The following TNFAIP2 variants were observed in gnomAD, a reference collection of about 807,000 sequenced individuals.
TNFAIP2 encodes TNF alpha induced protein 2.
In TNFAIP2, 47 loss-of-function variants were observed where a neutral mutation model predicts 63.5. The ratio of observed to expected loss-of-function variants is 0.74; its 90% confidence interval spans 0.59 to 0.94. TNFAIP2 has a LOEUF of 0.94. Ranked by LOEUF, TNFAIP2 falls within the 40% of genes least tolerant of loss-of-function variation. TNFAIP2 has a pLI of 0.00. For missense variants in TNFAIP2, 787 were observed against 850.2 expected (o/e 0.93, Z 0.92); for synonymous variants, 405 against 390.2 (o/e 1.04, Z -0.45).
At chr14:103,124,757 C>T (rs546167742) in intron 1 of TNFAIP2, among the ~76,000 whole-genome samples, 2 of 152,346 alleles carry the variant, frequency 1.3e-5, no homozygotes, top group Non-Finnish European at 2.9e-5. Context: ...CATGGCCTTG[C>T]CCCTGGGGCT....
intron 1 of TNFAIP2, among the ~76,000 whole-genome samples, chr14:103,124,803 T>C (rs2087820434): frequency 6.6e-6 from 1 of 152,214 alleles, no homozygotes; most frequent in Non-Finnish European, 1.5e-5. Context: ...TGGAGTGGAA[T>C]GCTCAACCCA....
At position 103,136,068 on chromosome 14, in the gene TNFAIP2, T is replaced by C; in HGVS notation, c.*708T>C. On this transcript the variant is annotated 3_prime_UTR_variant, in exon 12 of 12. Transcript: ENST00000560869. ...GGTCCCCCGAGGGCTTGGTGTCTACTACCGAAGGGCCCAAGACCTCCTGGG... is the reference window on the plus strand; with the variant it reads ...GGTCCCCCGAGGGCTTGGTGTCTACCACCGAAGGGCCCAAGACCTCCTGGG... 5 of 1,216,492 alleles carry C rather than the reference T, an allele frequency of 4.1e-6. No homozygotes were observed. The South Asian group carries it at 7.0e-5, about 17-fold the overall frequency. 75.4% of individuals were successfully genotyped at this position (1,216,492 alleles called of 1,614,324 possible).
chr14:103,135,176 G>A lies in TNFAIP2; in HGVS notation c.1824-43G>A, dbSNP rs2088068942. On this transcript the variant is annotated intron_variant, in intron 11 of 11. Transcript: ENST00000560869. This position sits in a 1 kb window ranked among gnomAD's most constrained non-coding sequence, Gnocchi z 7.6. Reference sequence around the variant, plus strand: ...GAGTGCAGGGAGCTGGTGAGTAGGGGTGTGGGTGACAGGCTGGGCTGACAG... The same window carrying A: ...GAGTGCAGGGAGCTGGTGAGTAGGGATGTGGGTGACAGGCTGGGCTGACAG... The A allele has an allele frequency of 1.2e-6, 2 of 1,613,014 alleles. No individual in the cohort carries two copies. Among genetic ancestry groups the A allele is most frequent in the South Asian group, 2.2e-5 (2 of 91,078 alleles).
upstream of TNFAIP2, chr14:103,122,856 T>C (rs116958646): frequency 2.2e-6 from 1 of 454,918 alleles, no homozygotes; most frequent in Non-Finnish European, 4.4e-6. Context: ...GTCAGCCACT[T>C]CACCTTTCCG....
Position 103,136,014 on chromosome 14 carries a change from T to C in TNFAIP2, c.*654T>C. On this transcript the variant is annotated 3_prime_UTR_variant, in exon 12 of 12. Coordinates refer to ENST00000560869, the MANE Select transcript of TNFAIP2 (RefSeq NM_006291.4). ...GCAATGGGGCCCTGAGCCCTCCCTC[T>C]TCATCCCCCAAGGCCTCAACTAGAG... is the stretch of plus-strand genomic sequence containing the variant. 1 of 1,285,210 alleles carries C rather than the reference T, an allele frequency of 7.8e-7. No individual in the cohort carries two copies. The highest frequency in any genetic ancestry group is 1.0e-6 in the Non-Finnish European group (1 of 987,190). 79.6% of individuals were successfully genotyped at this position (1,285,210 alleles called of 1,614,324 possible). A position where few individuals can be genotyped will look rare whatever the true frequency, so the allele number is the denominator to read the frequency against.
chr14:103,129,752 C>G lies in TNFAIP2; in HGVS notation c.873C>G (p.Asn291Lys). 2 of 1,613,936 alleles carry G rather than the reference C, an allele frequency of 1.2e-6. No individual in the cohort carries two copies. Among genetic ancestry groups the G allele is most frequent in the East Asian group, 2.2e-5 (1 of 44,882 alleles). The change falls in exon 4 of 12, where the codon AAC (asparagine) becomes AAG (lysine). Residue 291 changes from asparagine to lysine, a missense_variant. Asn to Lys is a moderately conservative substitution (Grantham distance 94, BLOSUM62 0). This residue lies in a region of TNFAIP2 where 523 missense variants were observed against 604.1 expected (regional missense o/e 0.87). Coordinates refer to ENST00000560869, the MANE Select transcript of TNFAIP2 (RefSeq NM_006291.4). The stretch of plus-strand genomic sequence containing the variant: ...CCCCTGCCTGCAGTGACATCATCAA[C>G]AGCCCCAAGCTGGTGGGTGAGCTGC... ...VQNLYPNDII[N>K]SPKLVGELQG...
chr14:103,127,470 G>C lies in TNFAIP2; in HGVS notation c.701G>C (p.Arg234Pro). Residue 234 changes from arginine to proline, a missense_variant, in exon 3 of 12, where the codon CGG (arginine) becomes CCG (proline). Arg to Pro is a moderately radical substitution (Grantham distance 103, BLOSUM62 -2). Coordinates refer to ENST00000560869, the MANE Select transcript of TNFAIP2 (RefSeq NM_006291.4). This position sits in a 1 kb window ranked among gnomAD's most constrained non-coding sequence, Gnocchi z 5.1. Reference sequence around the variant, plus strand: ...GAGGACCTGGAGGCCGTGGTGGAGCGGCTGAAGCCGCTGTTCCCCGCCGAG... The same window carrying C: ...GAGGACCTGGAGGCCGTGGTGGAGCCGCTGAAGCCGCTGTTCCCCGCCGAG... ...MKEDLEAVVE[R>P]LKPLFPAEFG... The C allele has an allele frequency of 6.3e-7, 1 of 1,587,268 alleles. No individual in the cohort carries two copies. Among genetic ancestry groups the C allele is most frequent in the South Asian group, 1.1e-5 (1 of 89,450 alleles).
chr14:103,133,755 C>A lies in TNFAIP2; in HGVS notation c.1775C>A (p.Ala592Asp). 1 of 1,596,956 alleles carries A rather than the reference C, an allele frequency of 6.3e-7. No individual in the cohort carries two copies. The change falls in exon 11 of 12, where the codon GCC becomes GAC. Residue 592 changes from alanine (A) to aspartate (D), a missense_variant. Around this residue, in one of 3 missense-constraint regions of TNFAIP2, gnomAD observed 523 missense variants for 604.1 expected, o/e 0.87. Coordinates refer to ENST00000560869, the MANE Select transcript of TNFAIP2 (RefSeq NM_006291.4). ...ATCATTCGCCTGCAGGACCCCAGTG[C>A]CATCAAGATTGAGGTGGCCACTTAT... ...AEIIRLQDPS[A>D]IKIEVATYAT... is the part of the protein sequence containing the mutation.
chr14:103,136,196 C>A lies in TNFAIP2; in HGVS notation c.*836C>A. 2.7e-6 allele frequency: 1 copy of A among 367,304 alleles called. No homozygotes were observed. The highest frequency in any genetic ancestry group is 5.0e-6 in the Non-Finnish European group (1 of 201,314). 22.8% of individuals were successfully genotyped at this position (367,304 alleles called of 1,614,324 possible). A position where few individuals can be genotyped will look rare whatever the true frequency, so the allele number is the denominator to read the frequency against. On this transcript the variant is annotated 3_prime_UTR_variant, in exon 12 of 12. Transcript: ENST00000560869. Reference sequence around the variant, plus strand: ...GGCTGAGGTCTGGGCAGGGGCAGGGCAAGCTTGACCTCTCACTGTTGACCC... The same window carrying A: ...GGCTGAGGTCTGGGCAGGGGCAGGGAAAGCTTGACCTCTCACTGTTGACCC...
At chr14:103,130,640 C>T (rs1163188819) in intron 6 of TNFAIP2, among the ~76,000 whole-genome samples, 1 of 152,192 alleles carries the variant, frequency 6.6e-6, no homozygotes, top group Non-Finnish European at 1.5e-5. Context: ...ACCCCATCAG[C>T]AAAGCTCTCA....
rs145849179 is a variant in TNFAIP2, at chr14:103,131,069, A to G, written c.1217A>G (p.Asn406Ser). ...AFLRSYQRAF[N>S]EFLERGKQLT... is the part of the protein sequence containing the mutation. ...TTCGCCAGCTACCAGCGCGCCTTTAATGAATTTCTGGAGAGAGGCAAGCAG... is the reference window on the plus strand; with the variant it reads ...TTCGCCAGCTACCAGCGCGCCTTTAGTGAATTTCTGGAGAGAGGCAAGCAG... Residue 406 changes from asparagine to serine, a missense_variant, in exon 7 of 12, where the codon AAT (asparagine) becomes AGT (serine). Transcript: ENST00000560869. The surrounding 1 kb of genome is among the most constrained non-coding windows in gnomAD (Gnocchi z 4.0). 51 of 1,614,160 alleles carry G rather than the reference A, an allele frequency of 3.2e-5. No homozygotes were observed. Among genetic ancestry groups the G allele is most frequent in the Non-Finnish European group, 4.1e-5 (48 of 1,180,026 alleles).
At chr14:103,126,922 G>A (rs952949974) in intron 2 of TNFAIP2, 83 bp from the exon 3 acceptor site, 84 of 1,382,198 alleles carry the variant, frequency 6.1e-5, no homozygotes, top group East Asian at 8.4e-5. Flanking sequence ...GCGTCTAGGG[G>A]AGGACGGTCC....
rs1481632940 is a variant in TNFAIP2, at chr14:103,129,810, A to T, written c.931A>T (p.Arg311Trp). 6.2e-7 allele frequency: 1 copy of T among 1,613,870 alleles called. No homozygotes were observed. The highest frequency in any genetic ancestry group is 1.3e-5 in the African/African-American group (1 of 74,902). ...GGGGCTCGGGAGCCTCCTGCCCCCCAGGCAGATCCGACTGCTGGAGGCCAC... is the reference window on the plus strand; with the variant it reads ...GGGGCTCGGGAGCCTCCTGCCCCCCTGGCAGATCCGACTGCTGGAGGCCAC... ...GMGLGSLLPP[R>W]QIRLLEATFL... The change falls in exon 4 of 12, where the codon AGG becomes TGG. Residue 311 changes from arginine to tryptophan, a missense_variant. By Grantham distance (101) the Arg-to-Trp change is moderately radical (BLOSUM62 -3). Coordinates refer to ENST00000560869, the MANE Select transcript of TNFAIP2 (RefSeq NM_006291.4).
In TNFAIP2 at chr14:103,126,441, C is replaced by G; in HGVS notation, c.-17C>G. On this transcript the variant is annotated 5_prime_UTR_variant, in exon 2 of 12. Coordinates refer to ENST00000560869, the MANE Select transcript of TNFAIP2 (RefSeq NM_006291.4). ...CAAAAGTTGCAGTCCACATCAGAGG[C>G]AGAGTCAGAGGCCTCCATGTCGGAG... 1 of 1,560,760 alleles carries G rather than the reference C, an allele frequency of 6.4e-7. No homozygotes were observed. The highest frequency in any genetic ancestry group is 8.6e-7 in the Non-Finnish European group (1 of 1,157,240).
At chr14:103,125,103 T>G (rs1284761952) in intron 1 of TNFAIP2, among the ~76,000 whole-genome samples, 1 of 152,262 alleles carries the variant, frequency 6.6e-6, no homozygotes, top group Non-Finnish European at 1.5e-5. Flanking sequence ...CCTGCCTGCC[T>G]TGCAGGGCTG....
rs550483736 is a variant in TNFAIP2, at chr14:103,127,534, G to A, written c.765G>A (p.Gln255=). The stretch of plus-strand genomic sequence containing the variant: ...CGGCCTACGCCGAGAGCTACCACCA[G>A]CACTTCGCGGCCCACCTGGCCGCCG... ...VVAAYAESYH[Q]HFAAHLAAVA... The change falls in exon 3 of 12, where the codon CAG becomes CAA. Residue 255 remains glutamine (Q), a synonymous_variant. Coordinates refer to ENST00000560869, the MANE Select transcript of TNFAIP2 (RefSeq NM_006291.4). This position sits in a 1 kb window ranked among gnomAD's most constrained non-coding sequence, Gnocchi z 5.1. 1.8e-5 allele frequency: 29 copies of A among 1,587,694 alleles called. No homozygotes were observed. Among genetic ancestry groups the A allele is most frequent in the Admixed American group, 1.0e-4 (6 of 58,188 alleles).
rs1407392249 is a variant in TNFAIP2 at position 103,131,648 on chromosome 14, G to A, written c.1308G>A (p.Met436Ile). 6.3e-7 allele frequency: 1 copy of A among 1,595,942 alleles called. No individual in the cohort carries two copies. The highest frequency in any genetic ancestry group is 1.7e-5 in the Admixed American group (1 of 59,124). ...TGCCTCCACCTTCCAGGATGTCCATGGAGCAGAATTGGCAGGTACCCCAGG... is the reference window on the plus strand; with the variant it reads ...TGCCTCCACCTTCCAGGATGTCCATAGAGCAGAATTGGCAGGTACCCCAGG... The part of the protein sequence containing the change: ...INNCLSFRMS[M>I]EQNWQVPQDT... The change falls in exon 8 of 12, where the codon ATG (methionine) becomes ATA (isoleucine). Residue 436 changes from methionine to isoleucine, a missense_variant. Coordinates refer to ENST00000560869, the MANE Select transcript of TNFAIP2 (RefSeq NM_006291.4). The surrounding 1 kb of genome is among the most constrained non-coding windows in gnomAD (Gnocchi z 4.0).
At chr14:103,124,381 C>T (rs1401064148) in intron 1 of TNFAIP2, 6 of 152,380 alleles carry the variant, frequency 3.9e-5, no homozygotes, top group African/African-American at 4.8e-5. Context: ...CCAGCTGCCT[C>T]GGAGAGCGGA....
intron 8 of TNFAIP2, among the ~76,000 whole-genome samples, chr14:103,132,299 G>A (rs990936261): frequency 6.6e-6 from 1 of 152,114 alleles, no homozygotes; most frequent in Non-Finnish European, 1.5e-5. Context: ...GTGTAAAGTG[G>A]GGGGTCTCTC....
Sources: allele counts gnomAD v4.1 joint callset (sites outside exome capture counted in the v4.1 genomes callset), GRCh38; gene constraint gnomAD v4.1.1; regional missense constraint gnomAD v4.1.1; non-coding constraint Gnocchi (gnomAD v3.1); transcripts MANE v1.5; gene names NCBI Gene and HGNC (gene_info 2026-07-23, HGNC 2026-07-21).